NRP1: variants seen among roughly 807,000 people sequenced by gnomAD.
NRP1 encodes the protein neuropilin-1.
In NRP1, 35 loss-of-function variants were observed where a neutral mutation model predicts 106.7. The observed-to-expected ratio is 0.33, with a 90% CI of 0.25 to 0.43. NRP1 has a LOEUF of 0.43. Ranked by LOEUF, NRP1 falls within the 20% of genes least tolerant of loss-of-function variation. NRP1 has a pLI of 1.00. For missense variants in NRP1, 1,024 were observed against 1,170.4 expected (o/e 0.87, Z 1.83); for synonymous variants, 437 against 417.9 (o/e 1.05, Z -0.56).
chr10:33,247,836 G>A lies in NRP1; in HGVS notation c.981+6192C>T, dbSNP rs1405373843. Among the ~76,000 whole-genome samples the A allele has an allele frequency of 3.3e-5, 5 of 152,252 alleles. No individual in the cohort carries two copies. In the East Asian group the frequency reaches 9.7e-4, roughly 29 times the overall value. On this transcript the variant is annotated intron_variant, in intron 6 of 16. Transcript: ENST00000374867. ...GAGGAAGGATATCCACGTCCATTGT[G>A]TAAGACCGTGATTTCTCACAAGTTA...
intron 11 of NRP1, 149 bp downstream of exon 11, chr10:33,202,742 T>C: frequency 6.4e-7 from 1 of 1,560,480 alleles, no homozygotes; most frequent in Non-Finnish European, 8.7e-7. Flanking sequence ...CATGAGGAAA[T>C]GAAGATGCAC....
intron 13 of NRP1, among the ~76,000 whole-genome samples, chr10:33,187,040 AT>A (rs879793506): frequency 0.037 from 5,554 of 148,432 alleles, 327 homozygotes; most frequent in African/African-American, 0.13. Flanking sequence ...AAAAAGATTA[AT>A]TTTTTTTTTT....
intron 7 of NRP1, among the ~76,000 whole-genome samples, chr10:33,224,922 G>A (rs1483360765): frequency 6.6e-6 from 1 of 152,180 alleles, no homozygotes; most frequent in Non-Finnish European, 1.5e-5. Flanking sequence ...GCTGGTAGGT[G>A]CCTCATTAGA....
intron 2 of NRP1, among the ~76,000 whole-genome samples, chr10:33,298,082 C>T (rs1845542764): frequency 6.6e-6 from 1 of 152,154 alleles, no homozygotes; most frequent in Admixed American, 6.5e-5. Context: ...TGGAGCCAAG[C>T]AAGTTTTTGA....
intron 8 of NRP1, among the ~76,000 whole-genome samples, chr10:33,218,636 C>T (rs112991460): frequency 2.6e-5 from 4 of 152,108 alleles, no homozygotes; most frequent in South Asian, 2.1e-4. Context: ...TGAGCCACTG[C>T]GCCCAGTCCA....
intron 9 of NRP1, 108 bp downstream of exon 9, chr10:33,213,278 T>C: frequency 6.2e-7 from 1 of 1,613,394 alleles, no homozygotes; most frequent in Non-Finnish European, 8.5e-7. Flanking sequence ...CCTCCTCTAA[T>C]GTCATGGCTG....
intron 2 of NRP1, chr10:33,288,489 T>C (rs1432060581): frequency 6.6e-6 from 1 of 152,182 alleles, no homozygotes; most frequent in Non-Finnish European, 1.5e-5. Flanking sequence ...CTGAACTTAA[T>C]GTGGACATCT....
intron 8 of NRP1, among the ~76,000 whole-genome samples, chr10:33,216,049 T>G (rs149867577): frequency 5.3e-5 from 8 of 152,326 alleles, no homozygotes; most frequent in African/African-American, 1.9e-4. Flanking sequence ...CATCGTTTAC[T>G]CAGTTTTTCT....
intron 2 of NRP1, among the ~76,000 whole-genome samples, chr10:33,299,846 T>A (rs1239710698): frequency 6.6e-6 from 1 of 152,190 alleles, no homozygotes; most frequent in African/African-American, 2.4e-5. Context: ...TGCTTGAGAA[T>A]CCTGGAGAGA....
At chr10:33,192,244 C>T (rs1207231084) in intron 13 of NRP1, 37 bp downstream of exon 13, 4 of 1,592,926 alleles carry the variant, frequency 2.5e-6, no homozygotes, top group Non-Finnish European at 3.4e-6. Flanking sequence ...CAAAGAGAAT[C>T]TGCAAAGCCA....
intron 2 of NRP1, among the ~76,000 whole-genome samples, chr10:33,299,274 T>C (rs189925614): frequency 6.6e-6 from 1 of 152,094 alleles, no homozygotes; most frequent in African/African-American, 2.4e-5. Context: ...ACCTATCTTC[T>C]TTGTATTCAT....
intron 3 of NRP1, among the ~76,000 whole-genome samples, chr10:33,266,986 CGT>C: frequency 6.6e-6 from 1 of 152,154 alleles, no homozygotes; most frequent in South Asian, 2.1e-4. Context: ...GAGCCAAGAT[CGT>C]GCCACTGCAC....
intron 2 of NRP1, among the ~76,000 whole-genome samples, chr10:33,302,414 TA>T (rs1448356843): frequency 2.6e-5 from 4 of 152,240 alleles, no homozygotes; most frequent in Non-Finnish European, 5.9e-5. Flanking sequence ...CAGAAGTCTG[TA>T]AACAGGAAAG....
At chr10:33,308,124 A>G (rs1846300489) in intron 2 of NRP1, among the ~76,000 whole-genome samples, 1 of 152,172 alleles carries the variant, frequency 6.6e-6, no homozygotes, top group South Asian at 2.1e-4. Flanking sequence ...AACAGAAAAT[A>G]AAATAGTGCA....
chr10:33,206,946 C>T (rs1237138448), intron 10 of NRP1, among the ~76,000 whole-genome samples: 6 of 152,266 alleles, frequency 3.9e-5, no homozygotes, highest in Non-Finnish European at 7.3e-5. Context: ...CTTTCAGACA[C>T]GTTGTCTCAT....
chr10:33,217,149 T>C (rs2269102), intron 8 of NRP1, among the ~76,000 whole-genome samples: 42,696 of 152,144 alleles, frequency 0.28, 6,441 homozygotes, highest in East Asian at 0.62. Flanking sequence ...AGAAAGGCAA[T>C]GTTTAGCTGG....
intron 2 of NRP1, among the ~76,000 whole-genome samples, chr10:33,293,510 G>A (rs933273407): frequency 1.3e-5 from 2 of 152,148 alleles, no homozygotes; most frequent in Non-Finnish European, 2.9e-5. Flanking sequence ...CATCTTCTCT[G>A]ACCCCTAAAT....
At chr10:33,223,670 T>C (rs1839435376) in intron 7 of NRP1, among the ~76,000 whole-genome samples, 1 of 152,298 alleles carries the variant, frequency 6.6e-6, no homozygotes, top group South Asian at 2.1e-4. Context: ...GATCTCTCTC[T>C]TGAGACGATC....
chr10:33,186,613 G>T, intron 13 of NRP1, 125 bp from the exon 14 acceptor site: 2 of 1,138,112 alleles, frequency 1.8e-6, no homozygotes, highest in Non-Finnish European at 2.5e-6. Context: ...ATACGTAGTG[G>T]AAAGGGATAA....
Sources: gnomAD v4.1 joint callset for allele counts (sites outside exome capture counted in the v4.1 genomes callset) on GRCh38, gnomAD v4.1.1 for gene constraint, MANE v1.5 for transcripts, NCBI Gene and HGNC (gene_info 2026-07-23, HGNC 2026-07-21) for gene names.